The following SF3B1 variants were observed in gnomAD, a reference collection of about 807,000 sequenced individuals.
The protein encoded by SF3B1 is pre-mRNA processing 10.
Under a neutral mutation model 153.8 loss-of-function variants are expected in SF3B1, and 12 were observed. That is an observed-to-expected ratio of 0.08 (90% CI 0.05 to 0.13). The LOEUF is 0.13. Ranked by LOEUF, SF3B1 falls within the 10% of genes least tolerant of loss-of-function variation. The probability of loss-of-function intolerance (pLI) is 1.00; values close to 1 mark genes in which losing one functional copy is unlikely to be tolerated. For missense variants in SF3B1, 513 were observed against 1,606.1 expected (o/e 0.32, Z 11.63); for synonymous variants, 498 against 525.2 (o/e 0.95, Z 0.71).
At chr2:197,396,016 A>G (rs1352183757) in intron 23 of SF3B1, 40 bp downstream of exon 23, 8 of 1,495,046 alleles carry the variant, frequency 5.4e-6, no homozygotes, top group Non-Finnish European at 7.3e-6. Flanking sequence ...ATGAAGGAAG[A>G]GTTATAATTA....
chr2:197,420,998 A>C, intron 3 of SF3B1, 31 bp downstream of exon 3: 3 of 1,398,702 alleles, frequency 2.1e-6, no homozygotes, highest in Non-Finnish European at 2.0e-6. Flanking sequence ...TCTTTAGCTG[A>C]ATAAACTATG....
Position 197,394,140 on chromosome 2 carries a change from T to C in SF3B1, c.3540-952A>G, listed in dbSNP as rs182093480. Among the ~76,000 whole-genome samples the C allele has an allele frequency of 2.2e-3, 338 of 152,036 alleles. 3 individuals are homozygous for C. The highest frequency in any genetic ancestry group is 7.7e-3 in the African/African-American group (318 of 41,490). ...TGGAGGTTGCAGTGAGTCGAGATTG[T>C]GCCACTGCACTCCAGCCTAGGCAAC... On this transcript the variant is annotated intron_variant, in intron 23 of 24. Transcript: ENST00000335508.
intron 24 of SF3B1, 93 bp from the exon 25 acceptor site, chr2:197,392,554 A>C (rs958181122): frequency 5.7e-6 from 1 of 175,748 alleles, no homozygotes; most frequent in Non-Finnish European, 9.8e-6. Context: ...ATTCAAAATT[A>C]TTTCCCTTGG....
intron 1 of SF3B1, among the ~76,000 whole-genome samples, chr2:197,426,803 C>G (rs950192524): frequency 3.3e-5 from 5 of 152,150 alleles, no homozygotes; most frequent in African/African-American, 1.2e-4. Flanking sequence ...AACCCCAGCC[C>G]ACCCCTACCA....
intron 6 of SF3B1, among the ~76,000 whole-genome samples, chr2:197,411,257 TAAAG>T (rs1213944626): frequency 6.6e-6 from 1 of 152,140 alleles, no homozygotes; most frequent in African/African-American, 2.4e-5. Context: ...TCTCCACCAA[TAAAG>T]ATAGTATCAT....
In SF3B1 at chr2:197,390,169, CCTCT is replaced by C. The variant is rs1024456806; in HGVS notation, c.*2130_*2133del. On this transcript the variant is annotated 3_prime_UTR_variant, in exon 25 of 25. Coordinates refer to ENST00000335508, the MANE Select transcript of SF3B1 (RefSeq NM_012433.4). ...AGGTCATAGCTTTCACTACTTCCCT[CCTCT>C]CTATCCTCAAATTATTTGCATCAGT... is the stretch of plus-strand genomic sequence containing the variant. 3.9e-5 allele frequency: 6 copies of C among 152,202 alleles called. No homozygotes were observed. Among genetic ancestry groups the C allele is most frequent in the Non-Finnish European group, 7.3e-5 (5 of 68,044 alleles). The allele number at this position is 152,202 out of a possible 1,614,324, so 9.4% of individuals were successfully genotyped here.
At chr2:197,418,975 T>G (rs757668676) in intron 4 of SF3B1, 1 of 1,543,618 alleles carries the variant, frequency 6.5e-7, no homozygotes, top group Non-Finnish European at 8.9e-7. Context: ...TCTTTACCAT[T>G]AGTAACACTT....
chr2:197,425,641 T>C (rs1054684967), intron 1 of SF3B1, among the ~76,000 whole-genome samples: 3 of 151,820 alleles, frequency 2.0e-5, no homozygotes, highest in African/African-American at 7.3e-5. Context: ...GATAACAAAA[T>C]GTCCTTATCT....
At chr2:197,399,991 G>GAA (rs956486051) in intron 20 of SF3B1, 64 bp downstream of exon 20, 51 of 1,008,798 alleles carry the variant, frequency 5.1e-5, no homozygotes, top group Non-Finnish European at 6.0e-5. Flanking sequence ...TTTTACTTAC[G>GAA]AAAAAAAAAA....
At chr2:197,419,206 C>T (rs778740096) in intron 4 of SF3B1, 1 of 442,758 alleles carries the variant, frequency 2.3e-6, no homozygotes, top group Non-Finnish European at 4.0e-6. Flanking sequence ...ATTTTTATTT[C>T]TTAGAAAGCA....
chr2:197,414,832 C>T lies in SF3B1; in HGVS notation c.666+1909G>A, dbSNP rs547024902. 2.6e-5 allele frequency among the ~76,000 whole-genome samples: 4 copies of T among 152,096 alleles called. No homozygotes were observed. In the East Asian group the frequency reaches 7.7e-4, roughly 29 times the overall value. On this transcript the variant is annotated intron_variant, in intron 6 of 24. Transcript: ENST00000335508. ...TCAGCCTGGACAACATGGTGAGACC[C>T]GTTTCTACAAAAAAATAAAAAACTA...
intron 1 of SF3B1, among the ~76,000 whole-genome samples, chr2:197,427,470 G>C (rs180754175): frequency 4.5e-4 from 68 of 152,168 alleles, no homozygotes; most frequent in African/African-American, 1.6e-3. Context: ...GCAATTCAGA[G>C]AACTAAAAAC....
At position 197,391,830 on chromosome 2, in the gene SF3B1, C is replaced by G. The variant is rs1434864439; in HGVS notation, c.*473G>C. ...AACAATGGAATTTTGACAAAGATGC[C>G]ATCACTTTATATAGTTTTTATTCAG... On this transcript the variant is annotated 3_prime_UTR_variant, in exon 25 of 25. Transcript: ENST00000335508. 6.2e-6 allele frequency: 1 copy of G among 160,330 alleles called. No homozygotes were observed. Among genetic ancestry groups the G allele is most frequent in the Non-Finnish European group, 1.4e-5 (1 of 72,734 alleles). 9.9% of individuals were successfully genotyped at this position (160,330 alleles called of 1,614,324 possible). A position where few individuals can be genotyped will look rare whatever the true frequency, so the allele number is the denominator to read the frequency against.
At chr2:197,430,250 T>A (rs2085406468) in intron 1 of SF3B1, among the ~76,000 whole-genome samples, 1 of 152,232 alleles carries the variant, frequency 6.6e-6, no homozygotes, top group Non-Finnish European at 1.5e-5. Context: ...TTAGGTGTAA[T>A]CATGGTATTA....
chr2:197,425,715 T>C (rs932618738), intron 1 of SF3B1, among the ~76,000 whole-genome samples: 18 of 152,056 alleles, frequency 1.2e-4, no homozygotes, highest in African/African-American at 4.1e-4. Context: ...TCTCACAAAC[T>C]GGAGGCAGAC....
intron 7 of SF3B1, 158 bp from the exon 8 acceptor site, chr2:197,408,739 A>G: frequency 3.3e-6 from 2 of 607,578 alleles, no homozygotes; most frequent in South Asian, 4.0e-5. Context: ...CCTGATCAAC[A>G]TGATGAAACT....
At chr2:197,433,395 T>C (rs2085472290) in intron 1 of SF3B1, among the ~76,000 whole-genome samples, 1 of 152,220 alleles carries the variant, frequency 6.6e-6, no homozygotes, top group African/African-American at 2.4e-5. Flanking sequence ...TGAGGGCATC[T>C]TATACTGAAG....
At chr2:197,398,852 A>G (rs374085996) in intron 20 of SF3B1, 2 of 484,174 alleles carry the variant, frequency 4.1e-6, no homozygotes, top group East Asian at 4.9e-5. Context: ...ATTCTGAAAT[A>G]TATTTGTGCA....
Position 197,429,386 on chromosome 2 carries a change from T to A in SF3B1, c.29-5412A>T, listed in dbSNP as rs144882695. Among the ~76,000 whole-genome samples the A allele has an allele frequency of 3.9e-3, 591 of 152,284 alleles. 4 individuals are homozygous for A. The highest frequency in any genetic ancestry group is 0.011 in the African/African-American group (463 of 41,562). ...TAGTATTCCATTGTACTACAGTGTGTTTATCCATTCTCTAGCTGAAGTACA... is the reference window on the plus strand; with the variant it reads ...TAGTATTCCATTGTACTACAGTGTGATTATCCATTCTCTAGCTGAAGTACA... On this transcript the variant is annotated intron_variant, in intron 1 of 24. Transcript: ENST00000335508.
Sources: allele counts gnomAD v4.1 joint callset (sites outside exome capture counted in the v4.1 genomes callset), GRCh38; gene constraint gnomAD v4.1.1; transcripts MANE v1.5; gene names NCBI Gene and HGNC (gene_info 2026-07-23, HGNC 2026-07-21).